Variants in SIL1 observed in about 807,000 individuals in gnomAD.
SIL1 encodes the protein nucleotide exchange factor SIL1.
SIL1 carries 40 observed loss-of-function variants against 49.1 expected under a neutral mutation model. The observed-to-expected ratio is 0.81, with a 90% CI of 0.63 to 1.06. The LOEUF (loss-of-function observed/expected upper bound fraction) is 1.06. Ranked by LOEUF, SIL1 falls within the 50% of genes least tolerant of loss-of-function variation. The probability of loss-of-function intolerance (pLI) is 0.00; values close to 1 mark genes in which losing one functional copy is unlikely to be tolerated. For missense variants in SIL1, 500 were observed against 572.6 expected, an observed-to-expected ratio of 0.87 and a Z score of 1.29; for synonymous variants, 253 against 250.8, an observed-to-expected ratio of 1.01 and a Z score of -0.08.
At chr5:139,139,271 G>C (rs772132326) in intron 1 of SIL1, among the ~76,000 whole-genome samples, 3 of 152,122 alleles carry the variant, frequency 2.0e-5, no homozygotes, top group Non-Finnish European at 4.4e-5. Context: ...AGAACACCAG[G>C]GACTTTCACA....
At chr5:139,008,978 C>T (rs1768187525) in intron 7 of SIL1, among the ~76,000 whole-genome samples, 2 of 151,042 alleles carry the variant, frequency 1.3e-5, no homozygotes, top group South Asian at 2.1e-4. Context: ...TCTATTAGGT[C>T]CGTTTGGTGC....
chr5:139,099,981 C>T (rs1293957242), intron 3 of SIL1, among the ~76,000 whole-genome samples: 1 of 152,028 alleles, frequency 6.6e-6, no homozygotes, highest in African/African-American at 2.4e-5. Context: ...GAAGGATACC[C>T]CATTCTCCAT....
At chr5:139,056,414 G>T (rs1028697773) in intron 3 of SIL1, among the ~76,000 whole-genome samples, 1 of 151,558 alleles carries the variant, frequency 6.6e-6, no homozygotes, top group African/African-American at 2.4e-5. Context: ...CGACTGAGAA[G>T]TGAGGAGCCC....
At chr5:139,123,857 T>C (rs1750705058) in intron 2 of SIL1, among the ~76,000 whole-genome samples, 1 of 152,220 alleles carries the variant, frequency 6.6e-6, no homozygotes, top group Non-Finnish European at 1.5e-5. Flanking sequence ...GTTCTTATTT[T>C]TAGAACACTA....
intron 3 of SIL1, among the ~76,000 whole-genome samples, chr5:139,107,804 G>A (rs186730737): frequency 6.6e-6 from 1 of 152,270 alleles, no homozygotes; most frequent in African/African-American, 2.4e-5. Context: ...TATGCACCTG[G>A]CATCACAGTA....
intron 2 of SIL1, among the ~76,000 whole-genome samples, chr5:139,125,595 C>T (rs1750736358): frequency 6.6e-6 from 1 of 152,186 alleles, no homozygotes. Flanking sequence ...CATTTATTGG[C>T]CATATTGTGC....
chr5:139,029,737 G>T (rs548961614), intron 5 of SIL1, among the ~76,000 whole-genome samples: 1 of 151,778 alleles, frequency 6.6e-6, no homozygotes. Context: ...TGGCTCAAGC[G>T]ATCCACCCAC....
intron 3 of SIL1, among the ~76,000 whole-genome samples, chr5:139,078,547 G>C (rs549718071): frequency 6.6e-6 from 1 of 152,272 alleles, no homozygotes; most frequent in African/African-American, 2.4e-5. Flanking sequence ...AGAACAGCAG[G>C]AGAAGGCAAG....
chr5:139,149,643 T>C (rs1751259744), intron 1 of SIL1, among the ~76,000 whole-genome samples: 1 of 152,166 alleles, frequency 6.6e-6, no homozygotes, highest in African/African-American at 2.4e-5. Context: ...AGACGTCTCA[T>C]TCAGGAGATG....
intron 1 of SIL1, among the ~76,000 whole-genome samples, chr5:139,154,021 C>T (rs1241612589): frequency 2.6e-5 from 4 of 152,198 alleles, no homozygotes; most frequent in African/African-American, 9.6e-5. Context: ...TCTGCTTTCT[C>T]GCCTTCTTCA....
intron 7 of SIL1, among the ~76,000 whole-genome samples, chr5:138,996,075 T>C (rs1241139988): frequency 6.6e-6 from 1 of 152,236 alleles, no homozygotes; most frequent in Non-Finnish European, 1.5e-5. Flanking sequence ...CTGGATTATA[T>C]GGTAGTGCTA....
rs533646455 is a variant in SIL1, at chr5:139,152,143, T to C, written c.-10-24290A>G. Among the ~76,000 whole-genome samples the C allele has an allele frequency of 3.2e-3, 481 of 152,230 alleles. 1 individual carries two copies. Among genetic ancestry groups the C allele is most frequent in the African/African-American group, 0.011 (457 of 41,518 alleles). On this transcript the variant is annotated intron_variant, in intron 1 of 9. Transcript: ENST00000394817. ...CGGCAATGGTGCCTTGGGCCGTGCG[T>C]CTAAGATCAAACACCAGGGACTCAG...
rs77491865 is a variant in SIL1, at chr5:139,075,323, T to C, written c.245-24277A>G. On this transcript the variant is annotated intron_variant, in intron 3 of 9. Coordinates refer to ENST00000394817, the MANE Select transcript of SIL1 (RefSeq NM_022464.5). Reference sequence around the variant, plus strand: ...TGACATTTTAAAAACTCCCATCCCCTAGAACTTTATTTTCCCTCTGCAGCA... The same window carrying C: ...TGACATTTTAAAAACTCCCATCCCCCAGAACTTTATTTTCCCTCTGCAGCA... Among the ~76,000 whole-genome samples the C allele has an allele frequency of 5.9e-3, 893 of 152,266 alleles. 9 individuals carry two copies. Among genetic ancestry groups the C allele is most frequent in the Middle Eastern group, 0.048 (14 of 294 alleles).
chr5:139,087,130 G>A (rs1770241190), intron 3 of SIL1, among the ~76,000 whole-genome samples: 1 of 151,922 alleles, frequency 6.6e-6, no homozygotes, highest in South Asian at 2.1e-4. Context: ...ACTGCACCTA[G>A]CCAATATATT....
chr5:139,191,948 G>A (rs1490734932), intron 1 of SIL1, among the ~76,000 whole-genome samples: 8 of 151,822 alleles, frequency 5.3e-5, no homozygotes, highest in African/African-American at 9.7e-5. Context: ...GGTGGCAGGC[G>A]CCTGTAGTCC....
intron 1 of SIL1, among the ~76,000 whole-genome samples, chr5:139,154,917 T>G (rs778983006): frequency 4.6e-5 from 7 of 152,158 alleles, no homozygotes; most frequent in Non-Finnish European, 8.8e-5. Flanking sequence ...TCCCCCAAAG[T>G]TGCAAATCAG....
At chr5:139,120,791 C>A in intron 3 of SIL1, among the ~76,000 whole-genome samples, 1 of 152,178 alleles carries the variant, frequency 6.6e-6, no homozygotes, top group Admixed American at 6.5e-5. Context: ...CAATCACTTG[C>A]TCAGAAACCA....
chr5:139,018,753 A>AG (rs1255176491), intron 7 of SIL1, among the ~76,000 whole-genome samples: 3 of 152,176 alleles, frequency 2.0e-5, no homozygotes, highest in Non-Finnish European at 4.4e-5. Context: ...CATCCTGATG[A>AG]GGGGGATGAT....
chr5:139,187,517 TA>T (rs36105029), intron 1 of SIL1, among the ~76,000 whole-genome samples: 194 of 136,014 alleles, frequency 1.4e-3, no homozygotes, highest in East Asian at 1.9e-3. Context: ...GACTCCATCT[TA>T]AAAAAAAAAA....
Sources: gnomAD v4.1 joint callset for allele counts (sites outside exome capture counted in the v4.1 genomes callset) on GRCh38, gnomAD v4.1.1 for gene constraint, MANE v1.5 for transcripts, NCBI Gene and HGNC (gene_info 2026-07-23, HGNC 2026-07-21) for gene names.